DDI2: variants seen among roughly 807,000 people sequenced by gnomAD.
DDI2 encodes protein DDI1 homolog 2.
In DDI2, 5 loss-of-function variants were observed where a neutral mutation model predicts 48.1. That is an observed-to-expected ratio of 0.10 (90% CI 0.05 to 0.22). The LOEUF (loss-of-function observed/expected upper bound fraction) is 0.22. Among genes scored for constraint, DDI2 ranks in the 10% least tolerant of loss-of-function variants. DDI2 has a pLI of 1.00. For missense variants in DDI2, 285 were observed against 506.2 expected (o/e 0.56, Z 4.19); for synonymous variants, 205 against 183.6 (o/e 1.12, Z -0.94).
At chr1:15,624,584 C>G (rs1026340506) in intron 1 of DDI2, among the ~76,000 whole-genome samples, 1 of 152,160 alleles carries the variant, frequency 6.6e-6, no homozygotes, top group East Asian at 1.9e-4. Flanking sequence ...CCTCCTGCCT[C>G]AGACTCCTAA....
At chr1:15,646,622 G>T (rs563098738) in intron 6 of DDI2, among the ~76,000 whole-genome samples, 1 of 152,122 alleles carries the variant, frequency 6.6e-6, no homozygotes, top group African/African-American at 2.4e-5. Flanking sequence ...GGGAGGCAGA[G>T]GTTGCAGTAA....
chr1:15,660,373 G>A lies in DDI2; in HGVS notation c.*583G>A, dbSNP rs35795032. 22,582 of 1,613,960 alleles carry A rather than the reference G, an allele frequency of 0.014. 255 individuals carry two copies. Among genetic ancestry groups the A allele is most frequent in the African/African-American group, 0.029 (2,153 of 75,026 alleles). On this transcript the variant is annotated 3_prime_UTR_variant, in exon 10 of 10. Coordinates refer to ENST00000480945, the MANE Select transcript of DDI2 (RefSeq NM_032341.5). The stretch of plus-strand genomic sequence containing the variant: ...TCAAGTGAGTGACCCTCAGCAGCAC[G>A]AAGAACCAGGGAATGAACAGTATGA...
At position 15,662,586 on chromosome 1, in the gene DDI2, C is replaced by G. The variant is rs1352406897; in HGVS notation, c.*2796C>G. 6.6e-6 allele frequency: 1 copy of G among 152,224 alleles called. No homozygotes were observed. Among genetic ancestry groups the G allele is most frequent in the Non-Finnish European group, 1.5e-5 (1 of 68,050 alleles). The allele number at this position is 152,224 out of a possible 1,614,324, so 9.4% of individuals were successfully genotyped here. A position where few individuals can be genotyped will look rare whatever the true frequency, so the allele number is the denominator to read the frequency against. ...TGCTAGAGTTTGGGTTTGCTAGCATCTCACTGATAACACCTCAACCCTTAA... is the reference window on the plus strand; with the variant it reads ...TGCTAGAGTTTGGGTTTGCTAGCATGTCACTGATAACACCTCAACCCTTAA... On this transcript the variant is annotated 3_prime_UTR_variant, in exon 10 of 10. Coordinates refer to ENST00000480945, the MANE Select transcript of DDI2 (RefSeq NM_032341.5).
chr1:15,623,387 C>CTTCTTT (rs1553152999), intron 1 of DDI2, among the ~76,000 whole-genome samples: 2 of 107,516 alleles, frequency 1.9e-5, no homozygotes, highest in African/African-American at 7.5e-5. Flanking sequence ...TTTTCTTCTT[C>CTTCTTT]TTTTTTTTTT....
At chr1:15,633,743 G>C in intron 4 of DDI2, 178 bp downstream of exon 4, 1 of 927,846 alleles carries the variant, frequency 1.1e-6, no homozygotes, top group Non-Finnish European at 1.6e-6. Context: ...ATTTCGATTT[G>C]ACATGACAAA....
chr1:15,617,868 C>G (rs1238135850), intron 1 of DDI2, 60 bp downstream of exon 1: 9 of 1,460,934 alleles, frequency 6.2e-6, no homozygotes, highest in Non-Finnish European at 8.2e-6. Flanking sequence ...CTCGGGGCCT[C>G]ACTCCCTCCC....
intron 5 of DDI2, among the ~76,000 whole-genome samples, chr1:15,641,483 A>G (rs972378060): frequency 1.3e-5 from 2 of 152,028 alleles, no homozygotes; most frequent in African/African-American, 4.8e-5. Context: ...AAAAAAAAAA[A>G]AAGTGACATT....
rs541033103 is a variant in DDI2, at chr1:15,642,686, A to T, written c.761-836A>T. Among the ~76,000 whole-genome samples the T allele has an allele frequency of 2.0e-3, 309 of 152,302 alleles. 2 individuals are homozygous for T. The highest frequency in any genetic ancestry group is 7.3e-3 in the African/African-American group (302 of 41,556). On this transcript the variant is annotated intron_variant, in intron 5 of 9. Coordinates refer to ENST00000480945, the MANE Select transcript of DDI2 (RefSeq NM_032341.5). ...CACCTGTAATCCCAACACTTTGGGA[A>T]GCTGAGGTGGGCAGATCACTTGAGG...
Position 15,656,663 on chromosome 1 carries a change from A to C in DDI2, c.*30A>C, listed in dbSNP as rs1216956962. On this transcript the variant is annotated 3_prime_UTR_variant, in exon 9 of 10. Transcript: ENST00000480945. ...TGTAGTGTGTGTGTACTGCAGCTGG[A>C]GTGGGCCCCAGACCAGGTATTTATA... The C allele has an allele frequency of 6.2e-7, 1 of 1,614,102 alleles. No individual in the cohort carries two copies. The highest frequency in any genetic ancestry group is 1.7e-5 in the Admixed American group (1 of 60,018).
At chr1:15,652,090 TTG>T (rs1640195502) in intron 8 of DDI2, among the ~76,000 whole-genome samples, 195 bp downstream of exon 8, 1 of 133,912 alleles carries the variant, frequency 7.5e-6, no homozygotes, top group South Asian at 2.5e-4. Flanking sequence ...TTTGGAGACA[TTG>T]TCTCACTCTG....
Position 15,660,328 on chromosome 1 carries a change from C to A in DDI2, c.*538C>A, listed in dbSNP as rs1640346769. The A allele has an allele frequency of 1.9e-6, 3 of 1,613,972 alleles. No homozygotes were observed. Among genetic ancestry groups the A allele is most frequent in the African/African-American group, 1.3e-5 (1 of 74,898 alleles). On this transcript the variant is annotated 3_prime_UTR_variant, in exon 10 of 10. Coordinates refer to ENST00000480945, the MANE Select transcript of DDI2 (RefSeq NM_032341.5). ...GTTTCTAGGTGAAAAGGATTGGCAT[C>A]CAGAAAATCAGAACCTGAGTCAAGT... is the stretch of plus-strand genomic sequence containing the variant.
intron 4 of DDI2, among the ~76,000 whole-genome samples, chr1:15,636,555 C>G (rs981204584): frequency 6.6e-6 from 1 of 152,100 alleles, no homozygotes; most frequent in Non-Finnish European, 1.5e-5. Flanking sequence ...TCACTGCAGC[C>G]TCAGCCTCCC....
chr1:15,634,397 T>G (rs1639895089), intron 4 of DDI2: 1 of 152,540 alleles, frequency 6.6e-6, no homozygotes, highest in African/African-American at 2.4e-5. Context: ...CAACGATACT[T>G]ACTACACTTA....
At chr1:15,622,113 G>A (rs577192866) in intron 1 of DDI2, among the ~76,000 whole-genome samples, 49 of 151,538 alleles carry the variant, frequency 3.2e-4, no homozygotes, top group Non-Finnish European at 6.6e-4. Flanking sequence ...TCTCGCTCTC[G>A]CCCAGGCTGG....
At chr1:15,632,050 C>T (rs1276120033) in intron 3 of DDI2, among the ~76,000 whole-genome samples, 4 of 151,860 alleles carry the variant, frequency 2.6e-5, no homozygotes, top group African/African-American at 7.3e-5. Context: ...GTGATCCACC[C>T]GTCTCGGCTT....
In DDI2 at chr1:15,660,001, T is replaced by G. The variant is rs770921558; in HGVS notation, c.*211T>G. The G allele has an allele frequency of 6.2e-7, 1 of 1,614,222 alleles. No individual in the cohort carries two copies. Among genetic ancestry groups the G allele is most frequent in the South Asian group, 1.1e-5 (1 of 91,088 alleles). ...AGTCTGCCCTATCAAGCCCAGTGAC[T>G]CAGATCGCATTGAACCTAAAGCTGT... is the stretch of plus-strand genomic sequence containing the variant. On this transcript the variant is annotated 3_prime_UTR_variant, in exon 10 of 10. Coordinates refer to ENST00000480945, the MANE Select transcript of DDI2 (RefSeq NM_032341.5).
rs114084015 is a variant in DDI2, at chr1:15,621,334, G to C, written c.138+3526G>C. On this transcript the variant is annotated intron_variant, in intron 1 of 9. Coordinates refer to ENST00000480945, the MANE Select transcript of DDI2 (RefSeq NM_032341.5). ...TGAAAGGCAAATAATAGCAGTAATTGTATGATCTTGGAAATGCACACAGCA... is the reference window on the plus strand; with the variant it reads ...TGAAAGGCAAATAATAGCAGTAATTCTATGATCTTGGAAATGCACACAGCA... Among the ~76,000 whole-genome samples the C allele has an allele frequency of 8.1e-3, 1,233 of 152,226 alleles. 17 individuals carry two copies. Among genetic ancestry groups the C allele is most frequent in the African/African-American group, 0.027 (1,124 of 41,524 alleles).
chr1:15,638,739 T>C (rs1639964062), intron 5 of DDI2, among the ~76,000 whole-genome samples: 1 of 152,034 alleles, frequency 6.6e-6, no homozygotes, highest in South Asian at 2.1e-4. Context: ...TTCACCGTGT[T>C]GGTCAGGCTG....
rs764486414 is a variant in DDI2 at position 15,617,776 on chromosome 1, C to G, written c.106C>G (p.Leu36Val). ...GCACAACTTCCGCGCGCTGTGCGAG[C>G]TCGAGTCTGGCATCCCCGCAGCCGA... ...ELHNFRALCE[L>V]ESGIPAAESQ... The change falls in exon 1 of 10, where the codon CTC (leucine) becomes GTC (valine). Residue 36 changes from leucine (L) to valine (V), a missense_variant. By Grantham distance (32) the Leu-to-Val change is conservative. This residue lies in a region of DDI2 where 149 missense variants were observed against 236.5 expected (regional missense o/e 0.63). Transcript: ENST00000480945. 1.9e-6 allele frequency: 3 copies of G among 1,607,638 alleles called. No homozygotes were observed. The highest frequency in any genetic ancestry group is 2.2e-5 in the South Asian group (2 of 90,608).
Sources: gnomAD v4.1 joint callset for allele counts (sites outside exome capture counted in the v4.1 genomes callset) on GRCh38, gnomAD v4.1.1 for gene constraint, gnomAD v4.1.1 regional missense constraint, MANE v1.5 for transcripts, NCBI Gene and HGNC (gene_info 2026-07-23, HGNC 2026-07-21) for gene names.